FAAH2: variants seen among roughly 807,000 people sequenced by gnomAD.
FAAH2 encodes fatty-acid amide hydrolase 2.
FAAH2 carries 60 observed loss-of-function variants against 36.9 expected under a neutral mutation model. The ratio of observed to expected loss-of-function variants is 1.63; its 90% CI spans 1.32 to 2.02. The LOEUF is 2.02. Ranked by LOEUF, FAAH2 falls within the 30% of genes most tolerant of loss-of-function variation. The pLI is 0.00. For synonymous variants in FAAH2, 214 were observed against 143.8 expected (o/e 1.49, Z -3.49); for missense variants, 689 against 397.5 (o/e 1.73, Z -6.23).
chrX:57,398,697 G>A (rs2055361898), intron 7 of FAAH2, among the ~76,000 whole-genome samples: 1 of 111,280 alleles, frequency 9.0e-6, no homozygotes, highest in Non-Finnish European at 1.9e-5. Flanking sequence ...TCAGGTGATA[G>A]ATGATTGGCT....
At chrX:57,370,359 T>A (rs1181906726) in intron 5 of FAAH2, among the ~76,000 whole-genome samples, 1 of 111,156 alleles carries the variant, frequency 9.0e-6, no homozygotes, top group Non-Finnish European at 1.9e-5. Context: ...CAGTTCCAGT[T>A]GTTACTGGAA....
intron 5 of FAAH2, among the ~76,000 whole-genome samples, chrX:57,366,846 C>G (rs2054430140): frequency 8.9e-6 from 1 of 112,133 alleles, no homozygotes; most frequent in Admixed American, 9.4e-5. Flanking sequence ...GTCCCACAGG[C>G]AACACAGCCA....
At chrX:57,396,956 A>G (rs1170558429) in intron 7 of FAAH2, among the ~76,000 whole-genome samples, 3 of 111,142 alleles carry the variant, frequency 2.7e-5, no homozygotes, top group Non-Finnish European at 1.9e-5. Context: ...CTATTTTTGT[A>G]TTGCTTTCTA....
At chrX:57,209,460 T>C in the FAAH2 span, among the ~76,000 whole-genome samples, 2 of 111,051 alleles carry the variant, frequency 1.8e-5, no homozygotes, top group African/African-American at 6.6e-5. Context: ...TCAGGGAGTG[T>C]CTAGAAATTT....
chrX:57,485,570 T>A lies in FAAH2; in HGVS notation c.1424-3187T>A, dbSNP rs747375842. ...GAAGGAGGGATGGCATAACTTCTGT[T>A]ACTTAAACATTGGTTATTTTGATAG... On this transcript the variant is annotated intron_variant, in intron 10 of 10. Coordinates refer to ENST00000374900, the MANE Select transcript of FAAH2 (RefSeq NM_174912.4). Among the ~76,000 whole-genome samples, 277 of 112,192 alleles carry A rather than the reference T, an allele frequency of 2.5e-3. 1 individual carries two copies. Among genetic ancestry groups the A allele is most frequent in the Non-Finnish European group, 3.5e-3 (187 of 53,209 alleles).
At chrX:57,416,434 A>T (rs1002977904) in intron 7 of FAAH2, among the ~76,000 whole-genome samples, 65 of 111,220 alleles carry the variant, frequency 5.8e-4, no homozygotes, top group African/African-American at 2.1e-3. Context: ...GTGGTGACAA[A>T]ATCTCTCAGT....
At chrX:57,476,719 G>A (rs1435563549) in intron 10 of FAAH2, among the ~76,000 whole-genome samples, 1 of 111,392 alleles carries the variant, frequency 9.0e-6, no homozygotes, top group Admixed American at 9.6e-5. Flanking sequence ...TTAAGGAGGA[G>A]GCCTTCTTAT....
At chrX:57,201,964 C>T in the FAAH2 span, among the ~76,000 whole-genome samples, 3 of 111,708 alleles carry the variant, frequency 2.7e-5, no homozygotes, top group Admixed American at 1.9e-4. Context: ...GCATTTTTCA[C>T]CTCCAGAATT....
At chrX:57,300,811 G>A (rs1054736893) in intron 2 of FAAH2, among the ~76,000 whole-genome samples, 1 of 112,013 alleles carries the variant, frequency 8.9e-6, no homozygotes, top group Non-Finnish European at 1.9e-5. Context: ...GATGTGAACA[G>A]ACACTTCTCA....
the FAAH2 span, among the ~76,000 whole-genome samples, chrX:57,163,462 C>T: frequency 5.9e-4 from 66 of 111,943 alleles, no homozygotes; most frequent in Non-Finnish European, 1.0e-3. Context: ...CCCCCAGCCT[C>T]GCTGCCGCCT....
the FAAH2 span, among the ~76,000 whole-genome samples, chrX:57,196,432 A>G: frequency 8.9e-6 from 1 of 111,852 alleles, no homozygotes; most frequent in East Asian, 2.8e-4. Flanking sequence ...ACTTCACTAA[A>G]TTCATTTATC....
intron 4 of FAAH2, among the ~76,000 whole-genome samples, chrX:57,337,268 GA>G (rs35462646): frequency 1.7e-3 from 102 of 60,483 alleles, no homozygotes; most frequent in Non-Finnish European, 2.3e-3. Flanking sequence ...CCTACCAATC[GA>G]AAAAAAAAAA....
At chrX:57,337,488 A>T (rs575953593) in intron 4 of FAAH2, among the ~76,000 whole-genome samples, 2 of 112,120 alleles carry the variant, frequency 1.8e-5, no homozygotes, top group South Asian at 7.3e-4. Context: ...CTTGATGAAC[A>T]TCAATGCAAA....
intron 7 of FAAH2, among the ~76,000 whole-genome samples, chrX:57,426,751 G>T (rs889030732): frequency 9.0e-6 from 1 of 111,259 alleles, no homozygotes; most frequent in African/African-American, 3.3e-5. Context: ...AGCAGAACTG[G>T]TATTTACATG....
intron 10 of FAAH2, among the ~76,000 whole-genome samples, chrX:57,484,442 G>A (rs1043161062): frequency 6.3e-5 from 7 of 111,380 alleles, no homozygotes; most frequent in African/African-American, 2.0e-4. Flanking sequence ...GTCGTAAATA[G>A]GCAGGAACAC....
At chrX:57,393,085 G>C (rs1470913141) in intron 7 of FAAH2, 2 of 925,119 alleles carry the variant, frequency 2.2e-6, no homozygotes, top group Non-Finnish European at 3.1e-6. Flanking sequence ...CCTTCTGCCA[G>C]TGAGTGCACT....
rs754153875 is a variant in FAAH2, at chrX:57,422,797, A to G, written c.997-9121A>G. On this transcript the variant is annotated intron_variant, in intron 7 of 10. Transcript: ENST00000374900. ...ATGATTATGGATTAGAGGCTTTGTT[A>G]TCACACCACACCCACCTGAAAATAG... 3.6e-5 allele frequency among the ~76,000 whole-genome samples: 4 copies of G among 112,227 alleles called. No homozygotes were observed. The South Asian group carries it at 1.5e-3, about 42-fold the overall frequency.
intron 7 of FAAH2, among the ~76,000 whole-genome samples, chrX:57,398,225 CAA>C (rs1424610351): frequency 4.5e-5 from 5 of 112,149 alleles, no homozygotes; most frequent in Non-Finnish European, 9.4e-5. Context: ...GCACTATTCA[CAA>C]TAGCAAAGAC....
chrX:57,199,672 G>A, the FAAH2 span, among the ~76,000 whole-genome samples: 1 of 111,608 alleles, frequency 9.0e-6, no homozygotes, highest in African/African-American at 3.3e-5. Context: ...AATGCAGAAA[G>A]TAGAGTGTTC....
Sources: allele counts gnomAD v4.1 joint callset (sites outside exome capture counted in the v4.1 genomes callset), GRCh38; gene constraint gnomAD v4.1.1; transcripts MANE v1.5; gene names NCBI Gene and HGNC (gene_info 2026-07-23, HGNC 2026-07-21).